Variants in ZNF438 observed in about 807,000 individuals in gnomAD.
ZNF438 encodes the protein zinc finger protein 438.
A neutral mutation model predicts 38.0 loss-of-function variants in ZNF438; 25 were observed. The ratio of observed to expected loss-of-function variants is 0.66; its 90% CI spans 0.48 to 0.92. The LOEUF (loss-of-function observed/expected upper bound fraction) is 0.92, where lower values mean the gene tolerates loss of function less well. Ranked by LOEUF, ZNF438 falls within the 40% of genes least tolerant of loss-of-function variation. The probability of loss-of-function intolerance (pLI) is 0.00; values close to 1 mark genes in which losing one functional copy is unlikely to be tolerated. For missense variants in ZNF438, 1,007 were observed against 999.6 expected (o/e 1.01, Z -0.10); for synonymous variants, 372 against 364.1 (o/e 1.02, Z -0.25).
At chr10:31,012,814 C>A (rs1440267039) in intron 1 of ZNF438, among the ~76,000 whole-genome samples, 2 of 152,188 alleles carry the variant, frequency 1.3e-5, no homozygotes, top group Non-Finnish European at 2.9e-5. Flanking sequence ...GACCCTCTTC[C>A]CCAACAATGC....
intron 1 of ZNF438, among the ~76,000 whole-genome samples, chr10:30,948,602 T>C (rs1374647327): frequency 6.7e-6 from 1 of 149,408 alleles, no homozygotes; most frequent in Non-Finnish European, 1.5e-5. Flanking sequence ...ACGTGAAGAA[T>C]GCAGAAGCCT....
chr10:30,978,809 T>C lies in ZNF438; in HGVS notation c.-191-37158A>G, dbSNP rs2051742793. On this transcript the variant is annotated intron_variant, in intron 1 of 5. Coordinates refer to ENST00000413025, the Ensembl canonical transcript of ZNF438. ...TCCATATTTCTAGTGTGTATTATTTTCAAAATGGTAAATGAACATTGGCTT... is the reference window on the plus strand; with the variant it reads ...TCCATATTTCTAGTGTGTATTATTTCCAAAATGGTAAATGAACATTGGCTT... Among the ~76,000 whole-genome samples the C allele has an allele frequency of 2.0e-5, 3 of 152,230 alleles. 1 individual carries two copies. Among genetic ancestry groups the C allele is most frequent in the South Asian group, 4.1e-4 (2 of 4,830 alleles).
intron 1 of ZNF438, among the ~76,000 whole-genome samples, chr10:30,951,153 G>T (rs1429454079): frequency 6.6e-6 from 1 of 150,734 alleles, no homozygotes; most frequent in Non-Finnish European, 1.5e-5. Context: ...AAAACCACAT[G>T]ATTATCTCAA....
At chr10:30,999,087 T>C (rs2054378676) in intron 1 of ZNF438, among the ~76,000 whole-genome samples, 1 of 151,878 alleles carries the variant, frequency 6.6e-6, no homozygotes, top group East Asian at 1.9e-4. Flanking sequence ...ATCCAAGCGG[T>C]TCCCAAATGG....
intron 1 of ZNF438, among the ~76,000 whole-genome samples, chr10:30,997,776 CCTT>C (rs1359278160): frequency 6.6e-6 from 1 of 152,088 alleles, no homozygotes; most frequent in Non-Finnish European, 1.5e-5. Context: ...AAGAGAGACA[CCTT>C]CTTTTCTTAC....
At chr10:30,870,736 T>A (rs11008296) in intron 4 of ZNF438, among the ~76,000 whole-genome samples, 97,732 of 152,146 alleles carry the variant, frequency 0.64, 32,539 homozygotes, top group African/African-American at 0.82. Flanking sequence ...CAAGAACCTA[T>A]CCTTGAATAT....
intron 1 of ZNF438, among the ~76,000 whole-genome samples, chr10:31,013,800 T>C (rs1400146340): frequency 6.6e-6 from 1 of 152,198 alleles, no homozygotes; most frequent in South Asian, 2.1e-4. Context: ...ATTTGATTCA[T>C]TTAAAAAAAT....
At chr10:30,925,242 T>C (rs1418735271) in intron 2 of ZNF438, among the ~76,000 whole-genome samples, 1 of 151,192 alleles carries the variant, frequency 6.6e-6, no homozygotes, top group Admixed American at 6.6e-5. Flanking sequence ...TGACACAATA[T>C]TGAACAGAAA....
chr10:30,889,089 T>C (rs1479541750), intron 3 of ZNF438, among the ~76,000 whole-genome samples: 1 of 152,202 alleles, frequency 6.6e-6, no homozygotes, highest in Non-Finnish European at 1.5e-5. Context: ...TAATAGTACA[T>C]AAATCCTGAC....
chr10:30,860,009 C>G (rs2035313987), intron 4 of ZNF438, among the ~76,000 whole-genome samples: 1 of 152,104 alleles, frequency 6.6e-6, no homozygotes, highest in Admixed American at 6.5e-5. Flanking sequence ...TTCATTTTCC[C>G]CCCGAGATTA....
At chr10:30,986,297 CAT>C (rs1050176571) in intron 1 of ZNF438, among the ~76,000 whole-genome samples, 3 of 152,198 alleles carry the variant, frequency 2.0e-5, no homozygotes, top group African/African-American at 7.2e-5. Context: ...CCTTAAGGCA[CAT>C]CACAGCCTTC....
At chr10:30,919,606 A>T (rs948994356) in intron 2 of ZNF438, 66 of 152,130 alleles carry the variant, frequency 4.3e-4, no homozygotes, top group African/African-American at 1.5e-3. Flanking sequence ...CTGGATTCAG[A>T]CAATTTTTTA....
intron 2 of ZNF438, among the ~76,000 whole-genome samples, chr10:30,916,957 ACTTC>A (rs2043705380): frequency 6.6e-6 from 1 of 152,112 alleles, no homozygotes; most frequent in Admixed American, 6.6e-5. Context: ...ATAAAAAAGT[ACTTC>A]CTTGTGATTT....
intron 1 of ZNF438, among the ~76,000 whole-genome samples, chr10:30,998,540 C>CAAAAAAAAAAAAAA (rs55838240): frequency 3.0e-5 from 1 of 33,878 alleles, no homozygotes; most frequent in Non-Finnish European, 4.8e-5. Context: ...GAGACTGTCT[C>CAAAAAAAAAAAAAA]AAAAAAAAAA....
At chr10:31,017,699 C>T (rs2056302860) in intron 1 of ZNF438, among the ~76,000 whole-genome samples, 1 of 152,220 alleles carries the variant, frequency 6.6e-6, no homozygotes, top group African/African-American at 2.4e-5. Context: ...ATCTGATTCA[C>T]ATCAGGAGGA....
At chr10:30,873,307 T>G (rs7910792) in intron 4 of ZNF438, among the ~76,000 whole-genome samples, 89,281 of 152,088 alleles carry the variant, frequency 0.59, 26,468 homozygotes, top group African/African-American at 0.63. Context: ...GTGACACTAG[T>G]TTATAATAGA....
At chr10:31,006,380 C>G (rs1057324718) in intron 1 of ZNF438, among the ~76,000 whole-genome samples, 2 of 151,478 alleles carry the variant, frequency 1.3e-5, no homozygotes, top group Admixed American at 1.3e-4. Flanking sequence ...CCCAAAAGGG[C>G]AGGGTTTGGA....
intron 2 of ZNF438, among the ~76,000 whole-genome samples, chr10:30,925,239 A>G (rs1408183698): frequency 1.3e-5 from 2 of 151,734 alleles, no homozygotes; most frequent in Admixed American, 6.6e-5. Context: ...CTCTGACACA[A>G]TATTGAACAG....
chr10:30,930,058 C>G (rs2045456199), intron 2 of ZNF438, among the ~76,000 whole-genome samples: 1 of 152,168 alleles, frequency 6.6e-6, no homozygotes, highest in Non-Finnish European at 1.5e-5. Flanking sequence ...CGCGCCCACA[C>G]TCCTCAGCCC....
Sources: allele counts gnomAD v4.1 joint callset (sites outside exome capture counted in the v4.1 genomes callset), GRCh38; gene constraint gnomAD v4.1.1; transcripts MANE v1.5; gene names NCBI Gene and HGNC (gene_info 2026-07-23, HGNC 2026-07-21).